Variants in DZIP3 observed in about 807,000 individuals in gnomAD.
DZIP3 encodes E3 ubiquitin-protein ligase DZIP3.
DZIP3 carries 118 observed loss-of-function variants against 162.0 expected under a neutral mutation model. The observed-to-expected ratio is 0.73, with a 90% CI of 0.63 to 0.85. The LOEUF is 0.85. DZIP3 is among the 40% of genes least tolerant of loss of function. DZIP3 has a pLI of 0.00. For synonymous variants in DZIP3, 438 were observed against 458.6 expected (o/e 0.96, Z 0.57); for missense variants, 1,331 against 1,407.0 (o/e 0.95, Z 0.86).
intron 3 of DZIP3, among the ~76,000 whole-genome samples, chr3:108,610,510 T>G (rs534008429): frequency 3.4e-4 from 52 of 152,326 alleles, no homozygotes; most frequent in Non-Finnish European, 6.9e-4. Context: ...CATTTCAGCA[T>G]CTCAAGCTCT....
chr3:108,611,943 G>C (rs1576356858), intron 4 of DZIP3, among the ~76,000 whole-genome samples: 1 of 143,750 alleles, frequency 7.0e-6, no homozygotes, highest in East Asian at 2.0e-4. Context: ...CTGCCTGGGA[G>C]ACAGAGCAAC....
At chr3:108,686,730 A>G in intron 28 of DZIP3, 146 bp downstream of exon 28, 2 of 977,242 alleles carry the variant, frequency 2.0e-6, no homozygotes, top group East Asian at 6.1e-5. Flanking sequence ...GTAAGGAAAA[A>G]GAAATTTACC....
intron 1 of DZIP3, among the ~76,000 whole-genome samples, chr3:108,591,972 C>A (rs1434637239): frequency 2.3e-5 from 3 of 130,476 alleles, no homozygotes; most frequent in African/African-American, 1.1e-4. Flanking sequence ...CAGAGTGAGA[C>A]CCTGTCAAAA....
At position 108,642,433 on chromosome 3, in the gene DZIP3, T is replaced by G. The variant is rs1428401729; in HGVS notation, c.1065-5T>G. 3.4e-6 allele frequency: 5 copies of G among 1,474,820 alleles called. No individual in the cohort carries two copies. Among genetic ancestry groups the G allele is most frequent in the Non-Finnish European group, 4.6e-6 (5 of 1,091,890 alleles). 91.4% of individuals were successfully genotyped at this position (1,474,820 alleles called of 1,614,324 possible). ...CACTATAACTTAATTTTTTTCCTTT[T>G]GCAGTTATAGAAAGTTGATATCTCT... On this transcript the variant is annotated splice_polypyrimidine_tract_variant and splice_region_variant and intron_variant, in intron 12 of 32. Transcript: ENST00000361582.
At chr3:108,680,469 A>C (rs565470473) in intron 26 of DZIP3, among the ~76,000 whole-genome samples, 1 of 152,138 alleles carries the variant, frequency 6.6e-6, no homozygotes, top group Admixed American at 6.6e-5. Context: ...AACATACAAG[A>C]ATCAATAGCA....
At chr3:108,622,880 C>CTCTCTCTCTCTCTCGCTCTCTGTGTG (rs796232998) in intron 5 of DZIP3, among the ~76,000 whole-genome samples, 1 of 53,082 alleles carries the variant, frequency 1.9e-5, no homozygotes. Flanking sequence ...CTCTCTCTCT[C>CTCTCTCTCTCTCTCGCTCTCTGTGTG]TGTGTGTGTG....
intron 1 of DZIP3, among the ~76,000 whole-genome samples, chr3:108,594,057 A>G (rs921733018): frequency 2.0e-5 from 3 of 152,128 alleles, no homozygotes; most frequent in Non-Finnish European, 2.9e-5. Flanking sequence ...TTGCTTCTCT[A>G]TATTAAAAAT....
chr3:108,597,828 G>A (rs1231387049), intron 1 of DZIP3, among the ~76,000 whole-genome samples: 1 of 152,038 alleles, frequency 6.6e-6, no homozygotes, highest in Non-Finnish European at 1.5e-5. Context: ...TAATTTATAA[G>A]TGAATTGATA....
At chr3:108,634,085 T>G (rs1250607282) in intron 9 of DZIP3, among the ~76,000 whole-genome samples, 1 of 152,022 alleles carries the variant, frequency 6.6e-6, no homozygotes, top group Non-Finnish European at 1.5e-5. Flanking sequence ...ACTGATATCT[T>G]AATTGCGAGG....
chr3:108,631,055 A>ACACACTCTCTCTCTCT, intron 8 of DZIP3, among the ~76,000 whole-genome samples: 15 of 18,014 alleles, frequency 8.3e-4, no homozygotes, highest in Non-Finnish European at 1.2e-3. Flanking sequence ...ACACACACAC[A>ACACACTCTCTCTCTCT]CTCTCTCTCT....
At chr3:108,653,237 T>C (rs768374099) in intron 18 of DZIP3, among the ~76,000 whole-genome samples, 80 of 151,876 alleles carry the variant, frequency 5.3e-4, no homozygotes, top group Non-Finnish European at 1.0e-3. Flanking sequence ...ATATCGTGTT[T>C]TATGAATTAT....
chr3:108,682,458 A>G (rs1687888146), intron 26 of DZIP3, among the ~76,000 whole-genome samples: 1 of 150,984 alleles, frequency 6.6e-6, no homozygotes, highest in Non-Finnish European at 1.5e-5. Context: ...AAATCCTGTC[A>G]TTTGTGACAA....
rs556468443 is a variant in DZIP3 at position 108,657,688 on chromosome 3, G to A, written c.2199+3378G>A. Among the ~76,000 whole-genome samples, 3 of 152,294 alleles carry A rather than the reference G, an allele frequency of 2.0e-5. No individual in the cohort carries two copies. In the South Asian group the frequency reaches 6.2e-4, roughly 32 times the overall value. The stretch of plus-strand genomic sequence containing the variant: ...TTAAATGCTCCAATTAAAAGACACA[G>A]AGTGGCAAATTGGATAAAGAGTCAA... On this transcript the variant is annotated intron_variant, in intron 19 of 32. Coordinates refer to ENST00000361582, the MANE Select transcript of DZIP3 (RefSeq NM_014648.4).
chr3:108,678,391 A>G (rs557871743), intron 26 of DZIP3, among the ~76,000 whole-genome samples: 8 of 152,174 alleles, frequency 5.3e-5, no homozygotes, highest in African/African-American at 1.9e-4. Flanking sequence ...CTTCCATGAA[A>G]CCAGTCCCTG....
In DZIP3 at chr3:108,648,106, C is replaced by T. The variant is rs748965619; in HGVS notation, c.1956C>T (p.Leu652=). Reference sequence around the variant, plus strand: ...CTTCAACAGAATCTCTTAAAGATCTCCAGGAAGTATAAGCTCTCATTAATA... The same window carrying T: ...CTTCAACAGAATCTCTTAAAGATCTTCAGGAAGTATAAGCTCTCATTAATA... ...SESSTESLKD[L]QEVKSKQRKK... The change falls in exon 16 of 33, where the codon CTC becomes CTT. Residue 652 remains leucine (L), a synonymous_variant. Coordinates refer to ENST00000361582, the MANE Select transcript of DZIP3 (RefSeq NM_014648.4). The T allele has an allele frequency of 2.3e-5, 36 of 1,594,712 alleles. No homozygotes were observed. The highest frequency in any genetic ancestry group is 3.0e-5 in the Non-Finnish European group (35 of 1,174,052).
chr3:108,671,076 C>G (rs1943910333), intron 22 of DZIP3, among the ~76,000 whole-genome samples: 1 of 151,694 alleles, frequency 6.6e-6, no homozygotes, highest in South Asian at 2.1e-4. Flanking sequence ...TTTGGGTTGC[C>G]TTTTCATTTT....
chr3:108,660,822 A>C (rs548122026), intron 19 of DZIP3, among the ~76,000 whole-genome samples: 2 of 152,190 alleles, frequency 1.3e-5, no homozygotes, highest in East Asian at 3.9e-4. Context: ...CAGGTGGGCA[A>C]AGGATATGAA....
At chr3:108,632,008 T>G (rs1941912217) in intron 8 of DZIP3, among the ~76,000 whole-genome samples, 1 of 152,124 alleles carries the variant, frequency 6.6e-6, no homozygotes, top group African/African-American at 2.4e-5. Context: ...TCTGGGAAAT[T>G]TTCTCAACTT....
intron 19 of DZIP3, among the ~76,000 whole-genome samples, chr3:108,656,918 AG>A (rs1325725421): frequency 6.6e-6 from 1 of 151,834 alleles, no homozygotes; most frequent in Non-Finnish European, 1.5e-5. Flanking sequence ...AATGAAATGA[AG>A]TGAGAAGTTT....
Sources: allele counts gnomAD v4.1 joint callset (sites outside exome capture counted in the v4.1 genomes callset), GRCh38; gene constraint gnomAD v4.1.1; transcripts MANE v1.5; gene names NCBI Gene and HGNC (gene_info 2026-07-23, HGNC 2026-07-21).